ANKRD27: variants seen among roughly 807,000 people sequenced by gnomAD.
The protein encoded by ANKRD27 is ankyrin repeat domain 27.
In ANKRD27, 112 loss-of-function variants were observed where a neutral mutation model predicts 129.7. That is an observed-to-expected ratio of 0.86 (90% CI 0.74 to 1.01). ANKRD27 has a LOEUF of 1.01. Among genes scored for constraint, ANKRD27 ranks in the 50% least tolerant of loss-of-function variants. The pLI is 0.00. For missense variants in ANKRD27, 1,258 were observed against 1,300.5 expected, an observed-to-expected ratio of 0.97 and a Z score of 0.50; for synonymous variants, 516 against 511.2, an observed-to-expected ratio of 1.01 and a Z score of -0.13.
At position 32,665,940 on chromosome 19, in the gene ANKRD27, T is replaced by C. The variant is rs574723306; in HGVS notation, c.-30-6895A>G. Among the ~76,000 whole-genome samples the C allele has an allele frequency of 1.5e-3, 230 of 151,702 alleles. 2 individuals carry two copies. The highest frequency in any genetic ancestry group is 5.0e-3 in the African/African-American group (207 of 41,296). On this transcript the variant is annotated intron_variant, in intron 1 of 28. Transcript: ENST00000306065. ...ACAACACCAGCTAACTTTTTGTGTG[T>C]ATTTTTTGGTAGAGACGGGGTTTCG... is the stretch of plus-strand genomic sequence containing the variant.
chr19:32,606,598 G>A (rs1971742398), intron 23 of ANKRD27, among the ~76,000 whole-genome samples: 2 of 152,338 alleles, frequency 1.3e-5, no homozygotes, highest in South Asian at 4.1e-4. Context: ...TGTGCTGGGC[G>A]ACAGTGATCT....
In ANKRD27 at chr19:32,644,410, C is replaced by A; in HGVS notation, c.440G>T (p.Arg147Ile). 1 of 1,614,142 alleles carries A rather than the reference C, an allele frequency of 6.2e-7. No homozygotes were observed. Among genetic ancestry groups the A allele is most frequent in the Non-Finnish European group, 8.5e-7 (1 of 1,180,022 alleles). The change falls in exon 5 of 29, where the codon AGA becomes ATA. Residue 147 changes from arginine to isoleucine, a missense_variant. Physicochemically the swap from Arg to Ile is moderately conservative, Grantham distance 97 (BLOSUM62 -3). Coordinates refer to ENST00000306065, the MANE Select transcript of ANKRD27 (RefSeq NM_032139.3). ...TIEDVREFLG[R>I]HSERFDRNIA... ...GTTCCTGTCAAATCGCTCGGAGTGT[C>A]TTCCCAAGAACTCTCTCACATCTTC...
intron 1 of ANKRD27, chr19:32,673,502 T>C: frequency 1.0e-6 from 1 of 974,866 alleles, no homozygotes; most frequent in Non-Finnish European, 1.2e-6. Flanking sequence ...TGCTAGGTGC[T>C]CAGGACCTGG....
chr19:32,623,517 C>T (rs901485161), intron 17 of ANKRD27, among the ~76,000 whole-genome samples: 1 of 151,788 alleles, frequency 6.6e-6, no homozygotes, highest in Non-Finnish European at 1.5e-5. Flanking sequence ...AGAACTGAGC[C>T]CATCCTGTGT....
intron 10 of ANKRD27, among the ~76,000 whole-genome samples, chr19:32,641,009 C>T (rs1366157218): frequency 6.6e-6 from 1 of 152,120 alleles, no homozygotes; most frequent in Admixed American, 6.6e-5. Flanking sequence ...CGCCACTCTC[C>T]TGCCTCAGCC....
intron 22 of ANKRD27, among the ~76,000 whole-genome samples, chr19:32,609,746 G>T (rs951597321): frequency 1.3e-5 from 2 of 151,720 alleles, no homozygotes; most frequent in African/African-American, 2.4e-5. Flanking sequence ...TGGTGGTGAT[G>T]GTTTCACAGG....
rs10645270 is a variant in ANKRD27, at chr19:32,606,026, A to AAAATAAAT, written c.2374-80_2374-73dup. The AAAATAAAT allele has an allele frequency of 4.5e-5, 56 of 1,250,628 alleles. No individual in the cohort carries two copies. In the East Asian group the frequency reaches 5.9e-4, roughly 13 times the overall value. 77.5% of individuals were successfully genotyped at this position (1,250,628 alleles called of 1,614,324 possible). ...ATTTCCTGCCAGAGAAAAATTATGA[A>AAAATAAAT]AAATAAATAAATAAATAAATAAAAT... is the stretch of plus-strand genomic sequence containing the variant. On this transcript the variant is annotated intron_variant, in intron 23 of 28. Transcript: ENST00000306065.
chr19:32,626,614 CAG>C (rs1047627924), intron 16 of ANKRD27, 96 bp downstream of exon 16: 2 of 812,588 alleles, frequency 2.5e-6, no homozygotes, highest in African/African-American at 3.8e-5. Context: ...CACCAGGAGA[CAG>C]GGGTGCAGGG....
chr19:32,650,978 C>G (rs1967405908), intron 2 of ANKRD27, among the ~76,000 whole-genome samples: 2 of 152,068 alleles, frequency 1.3e-5, no homozygotes, highest in Admixed American at 1.3e-4. Context: ...TCCCTGGCCT[C>G]AAGCGATCCT....
At chr19:32,664,646 AT>A (rs1467075665) in intron 1 of ANKRD27, among the ~76,000 whole-genome samples, 1 of 145,080 alleles carries the variant, frequency 6.9e-6, no homozygotes, top group African/African-American at 2.5e-5. Flanking sequence ...AATAATAATA[AT>A]AATAATAATA....
At chr19:32,647,878 G>C (rs572743024) in intron 3 of ANKRD27, among the ~76,000 whole-genome samples, 1 of 152,338 alleles carries the variant, frequency 6.6e-6, no homozygotes, top group East Asian at 1.9e-4. Context: ...CCATCTCTTA[G>C]ATAGGGAGAG....
intron 18 of ANKRD27, among the ~76,000 whole-genome samples, chr19:32,620,255 T>C (rs1248326411): frequency 7.6e-6 from 1 of 132,272 alleles, no homozygotes; most frequent in African/African-American, 2.8e-5. Flanking sequence ...ACAAAATAAT[T>C]TAAAAAAAAA....
At chr19:32,606,398 C>A (rs912259933) in intron 23 of ANKRD27, among the ~76,000 whole-genome samples, 4 of 152,078 alleles carry the variant, frequency 2.6e-5, no homozygotes, top group African/African-American at 9.7e-5. Flanking sequence ...AGGTGATCCA[C>A]CCGTCTCGGC....
chr19:32,672,247 A>T (rs144853396), intron 1 of ANKRD27, among the ~76,000 whole-genome samples: 39 of 152,402 alleles, frequency 2.6e-4, no homozygotes, highest in Middle Eastern at 3.4e-3. Flanking sequence ...GAAAAGGCGA[A>T]AAACGAAAAC....
chr19:32,625,288 A>G (rs1972071765), intron 17 of ANKRD27, among the ~76,000 whole-genome samples: 2 of 152,170 alleles, frequency 1.3e-5, no homozygotes, highest in Non-Finnish European at 2.9e-5. Flanking sequence ...ATAAAAACAG[A>G]AAATGTAAAA....
At chr19:32,649,439 TCAGAGAGAGATGCTTGGC>T (rs951775951) in intron 3 of ANKRD27, among the ~76,000 whole-genome samples, 2 of 152,104 alleles carry the variant, frequency 1.3e-5, no homozygotes, top group Admixed American at 6.5e-5. Flanking sequence ...CATCACGGGA[TCAGAGAGAGATGCTTGGC>T]ACCTCCCGGC....
At chr19:32,619,019 C>T (rs1005358906) in intron 20 of ANKRD27, among the ~76,000 whole-genome samples, 6 of 152,244 alleles carry the variant, frequency 3.9e-5, no homozygotes, top group African/African-American at 7.2e-5. Context: ...ACGCACTCTA[C>T]CACACTAATT....
chr19:32,598,476 A>G, intron 28 of ANKRD27, 98 bp from the exon 29 acceptor site: 1 of 1,127,882 alleles, frequency 8.9e-7, no homozygotes, highest in South Asian at 1.3e-5. Flanking sequence ...AGTGTCACAT[A>G]ATGTGCTCAG....
intron 12 of ANKRD27, among the ~76,000 whole-genome samples, chr19:32,636,725 A>C (rs1559179): frequency 0.39 from 39,584 of 101,028 alleles, 8,244 homozygotes; most frequent in African/African-American, 0.66. Flanking sequence ...CTCTCTCTCT[A>C]TATATATATA....
Sources: allele counts gnomAD v4.1 joint callset (sites outside exome capture counted in the v4.1 genomes callset), GRCh38; gene constraint gnomAD v4.1.1; transcripts MANE v1.5; gene names NCBI Gene and HGNC (gene_info 2026-07-23, HGNC 2026-07-21).